The following KCNQ3 variants were observed in gnomAD, a reference collection of about 807,000 sequenced individuals.
The protein encoded by KCNQ3 is potassium voltage-gated channel subfamily KQT member 3.
Under a neutral mutation model 92.5 loss-of-function variants are expected in KCNQ3, and 30 were observed. The ratio of observed to expected loss-of-function variants is 0.32; its 90% CI spans 0.24 to 0.44. KCNQ3 has a LOEUF of 0.44. Among genes scored for constraint, KCNQ3 ranks in the 20% least tolerant of loss-of-function variants. KCNQ3 has a pLI of 1.00. For missense variants in KCNQ3, 913 were observed against 1,140.3 expected (o/e 0.80, Z 2.87); for synonymous variants, 450 against 468.8 (o/e 0.96, Z 0.52).
chr8:132,449,401 G>A (rs1469958396), intron 1 of KCNQ3, among the ~76,000 whole-genome samples: 1 of 151,764 alleles, frequency 6.6e-6, no homozygotes, highest in Admixed American at 6.6e-5. Flanking sequence ...ATAGTACAGT[G>A]GTCAATTTCC....
At chr8:132,476,942 T>C (rs1293406709) in intron 1 of KCNQ3, among the ~76,000 whole-genome samples, 1 of 152,184 alleles carries the variant, frequency 6.6e-6, no homozygotes, top group Non-Finnish European at 1.5e-5. Flanking sequence ...GGGAGGTGAC[T>C]GAATCATGTG....
intron 1 of KCNQ3, among the ~76,000 whole-genome samples, chr8:132,382,994 A>C (rs1190678331): frequency 6.6e-6 from 1 of 152,180 alleles, no homozygotes; most frequent in Non-Finnish European, 1.5e-5. Flanking sequence ...ACATTGTCAG[A>C]CCTGGCTCCA....
At chr8:132,189,579 C>A (rs1827094772) in intron 1 of KCNQ3, among the ~76,000 whole-genome samples, 1 of 152,128 alleles carries the variant, frequency 6.6e-6, no homozygotes, top group Non-Finnish European at 1.5e-5. Context: ...GTAATCCCAG[C>A]ACTTTGGGAG....
At chr8:132,267,123 C>T (rs2130487685) in intron 1 of KCNQ3, among the ~76,000 whole-genome samples, 1 of 152,238 alleles carries the variant, frequency 6.6e-6, no homozygotes, top group Admixed American at 6.5e-5. Flanking sequence ...AGCACCAATA[C>T]AATTTCCATT....
At chr8:132,136,862 CTTTT>C (rs34845943) in intron 12 of KCNQ3, among the ~76,000 whole-genome samples, 1 of 123,362 alleles carries the variant, frequency 8.1e-6, no homozygotes, top group Non-Finnish European at 1.7e-5. Context: ...GGCTGCATAA[CTTTT>C]TTTTTTTTTT....
intron 1 of KCNQ3, among the ~76,000 whole-genome samples, chr8:132,429,778 T>C (rs1047259579): frequency 9.9e-5 from 15 of 150,900 alleles, no homozygotes; most frequent in Non-Finnish European, 1.8e-4. Flanking sequence ...GGAGAATCCC[T>C]TGAACCCAGG....
intron 14 of KCNQ3, among the ~76,000 whole-genome samples, chr8:132,130,436 C>T (rs765190592): frequency 2.3e-4 from 35 of 152,188 alleles, no homozygotes; most frequent in Non-Finnish European, 4.1e-4. Flanking sequence ...TCTTGCAACT[C>T]TTAATAATAG....
intron 1 of KCNQ3, among the ~76,000 whole-genome samples, chr8:132,381,791 C>G (rs77768566): frequency 0.016 from 2,513 of 152,340 alleles, 26 homozygotes; most frequent in Non-Finnish European, 0.025. Context: ...CCAGAGAGAC[C>G]TTCCCTTTAC....
intron 1 of KCNQ3, among the ~76,000 whole-genome samples, chr8:132,303,662 GTGTGT>G (rs1817314884): frequency 2.5e-5 from 1 of 40,436 alleles, no homozygotes; most frequent in Admixed American, 3.3e-4. Flanking sequence ...TTTATGGTGT[GTGTGT>G]ATATATATAT....
chr8:132,271,579 A>G (rs1427082333), intron 1 of KCNQ3, among the ~76,000 whole-genome samples: 1 of 151,850 alleles, frequency 6.6e-6, no homozygotes, highest in Non-Finnish European at 1.5e-5. Flanking sequence ...TTATTATTGT[A>G]CTAATTAATG....
At chr8:132,200,625 G>T (rs1313088057) in intron 1 of KCNQ3, among the ~76,000 whole-genome samples, 4 of 152,110 alleles carry the variant, frequency 2.6e-5, no homozygotes, top group Non-Finnish European at 5.9e-5. Flanking sequence ...TAAAATAGGG[G>T]AATATACACG....
intron 1 of KCNQ3, among the ~76,000 whole-genome samples, chr8:132,374,000 C>T (rs929273766): frequency 1.6e-4 from 25 of 152,178 alleles, no homozygotes; most frequent in Middle Eastern, 3.4e-3. Context: ...CATGTTCTCC[C>T]GGGTGCCATC....
In KCNQ3 at chr8:132,173,222, G is replaced by A. The variant is rs146971650; in HGVS notation, c.1045-529C>T. On this transcript the variant is annotated intron_variant, in intron 6 of 14. Transcript: ENST00000388996. ...GGTCAGACTTGCCAGTGGATTAAGT[G>A]GCCAGAAACACACACTTTCCAAGCT... Among the ~76,000 whole-genome samples the A allele has an allele frequency of 4.2e-3, 645 of 152,226 alleles. 5 individuals carry two copies. The highest frequency in any genetic ancestry group is 0.015 in the African/African-American group (604 of 41,524).
chr8:132,371,754 G>C (rs1819478614), intron 1 of KCNQ3, among the ~76,000 whole-genome samples: 2 of 152,178 alleles, frequency 1.3e-5, no homozygotes, highest in Non-Finnish European at 1.5e-5. Flanking sequence ...AGAAGCACAG[G>C]CTGCATCCTC....
intron 1 of KCNQ3, among the ~76,000 whole-genome samples, chr8:132,361,320 C>T (rs899710138): frequency 1.3e-5 from 2 of 152,204 alleles, no homozygotes; most frequent in South Asian, 2.1e-4. Flanking sequence ...CTCAGCTCCT[C>T]ACTCCAAGGT....
intron 1 of KCNQ3, among the ~76,000 whole-genome samples, chr8:132,393,948 C>T (rs947479657): frequency 6.6e-6 from 1 of 152,234 alleles, no homozygotes; most frequent in African/African-American, 2.4e-5. Flanking sequence ...CTTCACTCAT[C>T]TGCCAGCCAG....
chr8:132,267,397 C>T (rs1483306861), intron 1 of KCNQ3, among the ~76,000 whole-genome samples: 1 of 152,148 alleles, frequency 6.6e-6, no homozygotes, highest in South Asian at 2.1e-4. Flanking sequence ...GGTCTTTGCA[C>T]GTATCCTGGC....
At chr8:132,131,102 T>C (rs1232444261) in intron 14 of KCNQ3, among the ~76,000 whole-genome samples, 2 of 152,166 alleles carry the variant, frequency 1.3e-5, no homozygotes, top group Non-Finnish European at 1.5e-5. Context: ...ATGGATACTA[T>C]TATTATCTCT....
At chr8:132,184,680 A>C (rs905954978) in intron 2 of KCNQ3, among the ~76,000 whole-genome samples, 7 of 152,308 alleles carry the variant, frequency 4.6e-5, no homozygotes, top group African/African-American at 1.7e-4. Context: ...AAGTCCCTTT[A>C]ATGAATGAAA....
Sources: gnomAD v4.1 joint callset for allele counts (sites outside exome capture counted in the v4.1 genomes callset) on GRCh38, gnomAD v4.1.1 for gene constraint, MANE v1.5 for transcripts, NCBI Gene and HGNC (gene_info 2026-07-23, HGNC 2026-07-21) for gene names.